Variants in CEP170 observed in about 807,000 individuals in gnomAD.
The protein encoded by CEP170 is centrosomal protein of 170 kDa.
A neutral mutation model predicts 151.9 loss-of-function variants in CEP170; 21 were observed. The observed-to-expected ratio is 0.14, with a 90% confidence interval of 0.10 to 0.20. The LOEUF (loss-of-function observed/expected upper bound fraction) is 0.20. Ranked by LOEUF, CEP170 falls within the 10% of genes least tolerant of loss-of-function variation. CEP170 has a pLI of 1.00. For missense variants in CEP170, 964 were observed against 1,892.9 expected, an observed-to-expected ratio of 0.51 and a Z score of 9.11; for synonymous variants, 356 against 648.8, an observed-to-expected ratio of 0.55 and a Z score of 6.86.
At chr1:243,250,622 CT>C (rs1245875524) in intron 1 of CEP170, among the ~76,000 whole-genome samples, 1 of 152,156 alleles carries the variant, frequency 6.6e-6, no homozygotes, top group Non-Finnish European at 1.5e-5. Flanking sequence ...TCAAAAGAAA[CT>C]TAACCTATCA....
rs561717999 is a variant in CEP170 at position 243,140,006 on chromosome 1, T to A, written c.4161A>T (p.Pro1387=). ...CGGGAGGCTCTGCTGCTTGAGGTCTTGGATCACCAGATCGACCGTTGTTTC... is the reference window on the plus strand; with the variant it reads ...CGGGAGGCTCTGCTGCTTGAGGTCTAGGATCACCAGATCGACCGTTGTTTC... The part of the protein sequence containing the change: ...PEGNNGRSGD[P]RPQAAEPPDH... The change falls in exon 16 of 20, where the codon CCA becomes CCT. Residue 1387 remains proline (P), a synonymous_variant. Coordinates refer to ENST00000366542, the MANE Select transcript of CEP170 (RefSeq NM_014812.3). The A allele has an allele frequency of 6.2e-7, 1 of 1,613,980 alleles. No individual in the cohort carries two copies. The highest frequency in any genetic ancestry group is 1.3e-5 in the African/African-American group (1 of 75,046).
At chr1:243,181,704 C>T (rs2059627378) in intron 10 of CEP170, among the ~76,000 whole-genome samples, 1 of 152,160 alleles carries the variant, frequency 6.6e-6, no homozygotes, top group Non-Finnish European at 1.5e-5. Flanking sequence ...ATTCTGTGCT[C>T]ATCATAGTTA....
intron 4 of CEP170, 29 bp from the exon 5 acceptor site, chr1:243,200,864 T>A: frequency 8.8e-6 from 14 of 1,585,294 alleles, no homozygotes; most frequent in Non-Finnish European, 1.2e-5. Flanking sequence ...GAATATAACC[T>A]CAAATTTCTG....
At position 243,164,419 on chromosome 1, in the gene CEP170, CGGTCCTCGAAGA is replaced by C; in HGVS notation, c.3529_3540del (p.Ser1177_Thr1180del). The C allele has an allele frequency of 2.6e-6, 4 of 1,564,088 alleles. No homozygotes were observed. The highest frequency in any genetic ancestry group is 3.5e-6 in the Non-Finnish European group (4 of 1,151,084). The stretch of plus-strand genomic sequence containing the variant: ...GCTCCACTTCTAATGATGGCTTCTG[CGGTCCTCGAAGA>C]GGCACTACTTCTAGAAATTGTTGCT... On this transcript the variant is annotated inframe_deletion, in exon 13 of 20. Transcript: ENST00000366542.
chr1:243,151,574 G>A (rs1324308377), intron 14 of CEP170, among the ~76,000 whole-genome samples: 2 of 152,240 alleles, frequency 1.3e-5, no homozygotes, highest in Non-Finnish European at 2.9e-5. Flanking sequence ...TGTGAATGCT[G>A]ACAGAGGTGA....
intron 1 of CEP170, among the ~76,000 whole-genome samples, chr1:243,247,412 G>GAT (rs1205696099): frequency 6.6e-6 from 1 of 152,158 alleles, no homozygotes; most frequent in African/African-American, 2.4e-5. Context: ...GGAGTACAGT[G>GAT]ACGTGATCTT....
chr1:243,226,067 ATC>A (rs1553395529), intron 1 of CEP170, among the ~76,000 whole-genome samples: 1 of 144,252 alleles, frequency 6.9e-6, no homozygotes, highest in African/African-American at 2.5e-5. Flanking sequence ...AGATATATAT[ATC>A]TATATCTAGA....
At chr1:243,156,084 C>T in intron 14 of CEP170, 137 bp downstream of exon 14, 1 of 1,230,862 alleles carries the variant, frequency 8.1e-7, no homozygotes, top group Non-Finnish European at 1.1e-6. Flanking sequence ...ATACTACTGA[C>T]TAAACGGAGT....
chr1:243,193,934 C>T (rs951050887), intron 7 of CEP170, among the ~76,000 whole-genome samples: 4 of 151,994 alleles, frequency 2.6e-5, no homozygotes, highest in East Asian at 3.9e-4. Flanking sequence ...AGCAGGTACA[C>T]AAATAAATGC....
At chr1:243,202,196 G>A (rs2061088923) in intron 4 of CEP170, among the ~76,000 whole-genome samples, 2 of 152,074 alleles carry the variant, frequency 1.3e-5, no homozygotes, top group Admixed American at 1.3e-4. Flanking sequence ...AGTAACTCAG[G>A]AATCAAAAAC....
At chr1:243,210,608 A>AT (rs751388751) in intron 4 of CEP170, among the ~76,000 whole-genome samples, 10,195 of 67,332 alleles carry the variant, frequency 0.15, 1,818 homozygotes, top group African/African-American at 0.23. Context: ...ATTTTTCGTA[A>AT]TTTTTTTTTT....
At chr1:243,173,762 ATGT>A (rs997717385) in intron 10 of CEP170, among the ~76,000 whole-genome samples, 3 of 152,010 alleles carry the variant, frequency 2.0e-5, no homozygotes, top group African/African-American at 7.3e-5. Flanking sequence ...AGATTTAATA[ATGT>A]TGTTAAACAG....
chr1:243,224,904 A>C (rs2063107783), intron 2 of CEP170, among the ~76,000 whole-genome samples: 1 of 152,160 alleles, frequency 6.6e-6, no homozygotes, highest in African/African-American at 2.4e-5. Flanking sequence ...TGATTTTTGC[A>C]ATGTCTTATT....
Position 243,127,500 on chromosome 1 carries a change from C to T in CEP170, c.4465+749G>A, listed in dbSNP as rs1265050764. Among the ~76,000 whole-genome samples, 3 of 152,132 alleles carry T rather than the reference C, an allele frequency of 2.0e-5. No individual in the cohort carries two copies. In the East Asian group the frequency reaches 5.8e-4, roughly 29 times the overall value. ...AGAAGGGACTTTTAAAAGTATACCC[C>T]CAGTCTACCAGCTAACAAGCACTGT... is the stretch of plus-strand genomic sequence containing the variant. On this transcript the variant is annotated intron_variant, in intron 19 of 19. Transcript: ENST00000366542.
intron 4 of CEP170, among the ~76,000 whole-genome samples, chr1:243,201,137 T>A: frequency 6.6e-6 from 1 of 152,110 alleles, no homozygotes; most frequent in African/African-American, 2.4e-5. Context: ...AACAATAATA[T>A]GAGATAACTA....
chr1:243,178,690 A>G (rs143808181), intron 10 of CEP170, among the ~76,000 whole-genome samples: 1 of 151,734 alleles, frequency 6.6e-6, no homozygotes, highest in East Asian at 1.9e-4. Context: ...ATTTTACCTC[A>G]TATTTTCTTT....
intron 4 of CEP170, among the ~76,000 whole-genome samples, chr1:243,203,427 C>T (rs2061191341): frequency 6.6e-6 from 1 of 152,070 alleles, no homozygotes; most frequent in Non-Finnish European, 1.5e-5. Context: ...TGGAAACTCC[C>T]CTGAATACTA....
At chr1:243,201,504 T>C (rs1396414701) in intron 4 of CEP170, among the ~76,000 whole-genome samples, 1 of 152,094 alleles carries the variant, frequency 6.6e-6, no homozygotes, top group Non-Finnish European at 1.5e-5. Context: ...ATCTATTCAC[T>C]AAAGAGTAGA....
At position 243,165,830 on chromosome 1, in the gene CEP170, G is replaced by C. The variant is rs764026786; in HGVS notation, c.2130C>G (p.Leu710=). The change falls in exon 13 of 20, where the codon CTC becomes CTG. Residue 710 remains leucine (L), a synonymous_variant. Transcript: ENST00000366542. ...GGGTTTTATTATCTCCACCAGTTTT[G>C]AGAGTCTCTCCATTTACTGCCCTGT... is the stretch of plus-strand genomic sequence containing the variant. The part of the protein sequence containing the change: ...KMNRAVNGET[L]KTGGDNKTLL... 3 of 1,613,842 alleles carry C rather than the reference G, an allele frequency of 1.9e-6. No individual in the cohort carries two copies. The highest frequency in any genetic ancestry group is 1.3e-5 in the African/African-American group (1 of 74,928).
Sources: gnomAD v4.1 joint callset for allele counts (sites outside exome capture counted in the v4.1 genomes callset) on GRCh38, gnomAD v4.1.1 for gene constraint, MANE v1.5 for transcripts, NCBI Gene and HGNC (gene_info 2026-07-23, HGNC 2026-07-21) for gene names.